Variants in SUPT3H observed in about 807,000 individuals in gnomAD.
The protein encoded by SUPT3H is SPT3 homolog, SAGA and STAGA complex component.
Under a neutral mutation model 44.3 loss-of-function variants are expected in SUPT3H, and 44 were observed. The observed-to-expected ratio is 0.99, with a 90% CI of 0.78 to 1.28. The LOEUF (loss-of-function observed/expected upper bound fraction) is 1.28, where lower values mean the gene tolerates loss of function less well. Among genes scored for constraint, SUPT3H ranks in the 50% most tolerant of loss-of-function variants. The pLI is 0.00. For synonymous variants in SUPT3H, 124 were observed against 125.6 expected (o/e 0.99, Z 0.09); for missense variants, 380 against 387.1 (o/e 0.98, Z 0.15).
chr6:44,980,872 C>T (rs546594840), intron 6 of SUPT3H, among the ~76,000 whole-genome samples: 1 of 152,116 alleles, frequency 6.6e-6, no homozygotes, highest in South Asian at 2.1e-4. Flanking sequence ...GTCAAATAAC[C>T]ATGTCTAATA....
At chr6:44,894,570 T>C (rs1038549839) in intron 10 of SUPT3H, among the ~76,000 whole-genome samples, 1 of 152,230 alleles carries the variant, frequency 6.6e-6, no homozygotes, top group African/African-American at 2.4e-5. Flanking sequence ...TGTTCTGTTC[T>C]ATTGATGTAT....
chr6:45,033,657 A>G (rs566740548), intron 3 of SUPT3H, among the ~76,000 whole-genome samples: 1 of 152,310 alleles, frequency 6.6e-6, no homozygotes, highest in African/African-American at 2.4e-5. Context: ...CATAACTTAT[A>G]TACTATATTG....
chr6:45,062,585 C>T (rs1243052878), intron 3 of SUPT3H, among the ~76,000 whole-genome samples: 1 of 152,134 alleles, frequency 6.6e-6, no homozygotes, highest in African/African-American at 2.4e-5. Context: ...AGACAGTGGG[C>T]GCAGGCCAGT....
intron 2 of SUPT3H, among the ~76,000 whole-genome samples, chr6:45,271,714 A>C (rs544774010): frequency 5.0e-4 from 75 of 151,106 alleles, no homozygotes; most frequent in African/African-American, 1.8e-3. Flanking sequence ...CTGTGAGAAG[A>C]GGGCCACCAT....
At chr6:45,097,492 C>A (rs1051204127) in intron 3 of SUPT3H, 1 of 152,224 alleles carries the variant, frequency 6.6e-6, no homozygotes, top group South Asian at 2.1e-4. Context: ...TGGGCCAGCA[C>A]AAGGCAGCCC....
intron 2 of SUPT3H, among the ~76,000 whole-genome samples, chr6:45,238,791 AT>A (rs1309721428): frequency 2.6e-4 from 39 of 152,306 alleles, no homozygotes; most frequent in African/African-American, 8.7e-4. Flanking sequence ...TGGAAAAATT[AT>A]TGTCCCTCTC....
chr6:44,922,820 T>C (rs1316168770), intron 10 of SUPT3H, among the ~76,000 whole-genome samples: 1 of 152,136 alleles, frequency 6.6e-6, no homozygotes, highest in African/African-American at 2.4e-5. Flanking sequence ...TTTCTTGCCA[T>C]TTTTACAGCA....
At chr6:45,107,512 G>C (rs1168054232) in intron 2 of SUPT3H, among the ~76,000 whole-genome samples, 1 of 151,960 alleles carries the variant, frequency 6.6e-6, no homozygotes, top group East Asian at 1.9e-4. Context: ...GAGTAGGAGA[G>C]GAAAAAAATC....
intron 2 of SUPT3H, among the ~76,000 whole-genome samples, chr6:45,126,702 C>A (rs1284999): frequency 0.86 from 130,618 of 152,192 alleles, 56,248 homozygotes; most frequent in Non-Finnish European, 0.88. Context: ...AGGGAGAAGC[C>A]TGGAATTTAG....
chr6:44,836,322 C>T (rs901829369), intron 10 of SUPT3H, among the ~76,000 whole-genome samples: 2 of 152,146 alleles, frequency 1.3e-5, no homozygotes, highest in Admixed American at 1.3e-4. Flanking sequence ...ATGCAAAACT[C>T]ATCATTAAAC....
At chr6:45,083,593 A>C (rs1583450216) in intron 3 of SUPT3H, among the ~76,000 whole-genome samples, 1 of 151,768 alleles carries the variant, frequency 6.6e-6, no homozygotes, top group African/African-American at 2.4e-5. Flanking sequence ...ATTAGAAAAA[A>C]CTCTTCTAAA....
At chr6:45,334,264 T>C (rs1788094496) in intron 2 of SUPT3H, among the ~76,000 whole-genome samples, 1 of 151,204 alleles carries the variant, frequency 6.6e-6, no homozygotes, top group African/African-American at 2.4e-5. Context: ...ACATCAATGA[T>C]GTCTACCAGA....
At chr6:45,157,748 C>T (rs1466430188) in intron 2 of SUPT3H, among the ~76,000 whole-genome samples, 1 of 151,536 alleles carries the variant, frequency 6.6e-6, no homozygotes, top group African/African-American at 2.4e-5. Context: ...AGGGTTTCAC[C>T]ATGTTGGTAA....
intron 2 of SUPT3H, among the ~76,000 whole-genome samples, chr6:45,360,130 C>T (rs557942737): frequency 3.9e-5 from 6 of 152,178 alleles, no homozygotes. Flanking sequence ...ATAAGTGCAA[C>T]AGCACGGAAT....
At chr6:45,050,150 T>C (rs564999120) in intron 3 of SUPT3H, among the ~76,000 whole-genome samples, 25 of 152,286 alleles carry the variant, frequency 1.6e-4, no homozygotes, top group Non-Finnish European at 3.2e-4. Flanking sequence ...GAAGTACTTC[T>C]ATAAAAGACA....
chr6:44,841,204 G>A (rs959766673), intron 10 of SUPT3H, among the ~76,000 whole-genome samples: 1 of 152,052 alleles, frequency 6.6e-6, no homozygotes, highest in Non-Finnish European at 1.5e-5. Flanking sequence ...TGTCCTAACA[G>A]ATATTATTAT....
intron 7 of SUPT3H, among the ~76,000 whole-genome samples, 200 bp downstream of exon 7, chr6:44,961,553 A>C (rs1002441690): frequency 2.6e-5 from 4 of 152,172 alleles, no homozygotes; most frequent in Non-Finnish European, 4.4e-5. Context: ...AGACCTCTTA[A>C]TGTTATTAAC....
chr6:45,083,683 G>C (rs893777448), intron 3 of SUPT3H, among the ~76,000 whole-genome samples: 10 of 151,066 alleles, frequency 6.6e-5, no homozygotes, highest in Non-Finnish European at 8.8e-5. Context: ...TCATATACCT[G>C]ACTTCATAAG....
rs186598785 is a variant in SUPT3H, at chr6:45,239,108, C to T, written c.101+126093G>A. ...GTAGCTGTAATTGAGGTATTGACTG[C>T]TTTTAATATGCCTATTAATGTGATT... On this transcript the variant is annotated intron_variant, in intron 2 of 10. Coordinates refer to ENST00000371459, the MANE Select transcript of SUPT3H (RefSeq NM_003599.4). Among the ~76,000 whole-genome samples, 1,097 of 152,314 alleles carry T rather than the reference C, an allele frequency of 7.2e-3. 19 individuals are homozygous for T. The highest frequency in any genetic ancestry group is 0.025 in the African/African-American group (1,042 of 41,556).
Sources: allele counts gnomAD v4.1 joint callset (sites outside exome capture counted in the v4.1 genomes callset), GRCh38; gene constraint gnomAD v4.1.1; transcripts MANE v1.5; gene names NCBI Gene and HGNC (gene_info 2026-07-23, HGNC 2026-07-21).